The following CYTH3 variants were observed in gnomAD, a reference collection of about 807,000 sequenced individuals.
CYTH3 encodes cytohesin 3.
In CYTH3, 23 loss-of-function variants were observed where a neutral mutation model predicts 55.1. The observed-to-expected ratio is 0.42, with a 90% confidence interval of 0.30 to 0.59. The LOEUF is 0.59. Among genes scored for constraint, CYTH3 ranks in the 20% least tolerant of loss-of-function variants. The pLI, the probability that CYTH3 is intolerant of heterozygous loss-of-function variation, is 0.20. For missense variants in CYTH3, 413 were observed against 524.8 expected, an observed-to-expected ratio of 0.79 and a Z score of 2.08; for synonymous variants, 249 against 194.9, an observed-to-expected ratio of 1.28 and a Z score of -2.31.
intron 1 of CYTH3, among the ~76,000 whole-genome samples, chr7:6,247,402 T>C (rs1313887751): frequency 6.6e-6 from 1 of 151,986 alleles, no homozygotes; most frequent in East Asian, 1.9e-4. Flanking sequence ...ATGAGCTCTT[T>C]GAATATACAG....
chr7:6,194,269 C>T (rs1463441327), intron 1 of CYTH3, among the ~76,000 whole-genome samples: 2 of 152,148 alleles, frequency 1.3e-5, no homozygotes, highest in African/African-American at 4.8e-5. Flanking sequence ...CTCTTTAATA[C>T]GTGTACAACT....
chr7:6,186,367 C>A (rs1224259066), intron 4 of CYTH3, among the ~76,000 whole-genome samples: 1 of 152,002 alleles, frequency 6.6e-6, no homozygotes, highest in African/African-American at 2.4e-5. Context: ...AGACTCAGGT[C>A]TACCCTTCTT....
chr7:6,237,466 T>C lies in CYTH3; in HGVS notation c.34+35008A>G, dbSNP rs377078019. Among the ~76,000 whole-genome samples the C allele has an allele frequency of 5.3e-5, 8 of 152,250 alleles. No homozygotes were observed. The South Asian group carries it at 1.7e-3, about 32-fold the overall frequency. On this transcript the variant is annotated intron_variant, in intron 1 of 12. Transcript: ENST00000350796. The stretch of plus-strand genomic sequence containing the variant: ...GGCTCACACCTGTAATCCCAGCACT[T>C]TGGGAGGCCGAGGCGGGCGGATCTC...
chr7:6,215,484 G>A (rs1190957353), intron 1 of CYTH3, among the ~76,000 whole-genome samples: 1 of 151,912 alleles, frequency 6.6e-6, no homozygotes, highest in African/African-American at 2.4e-5. Context: ...CAGCTAGTCG[G>A]GAGGCTGAGG....
In CYTH3 at chr7:6,170,629, A is replaced by G. The variant is rs1281820334; in HGVS notation, c.729T>C (p.Ile243=). Residue 243 remains isoleucine (I), a synonymous_variant, in exon 9 of 13, where the codon ATT becomes ATC. Coordinates refer to ENST00000350796, the MANE Select transcript of CYTH3 (RefSeq NM_004227.4). This position sits in a 1 kb window ranked among gnomAD's most constrained non-coding sequence, Gnocchi z 7.8. ...EELLRNLYES[I]KNEPFKIPED... is the part of the protein sequence containing the mutation. ...CCGGGATCTTAAATGGCTCGTTCTTAATGCTCTCATACAAATTCTGCAAGG... is the reference window on the plus strand; with the variant it reads ...CCGGGATCTTAAATGGCTCGTTCTTGATGCTCTCATACAAATTCTGCAAGG... The G allele has an allele frequency of 5.0e-6, 8 of 1,613,798 alleles. No individual in the cohort carries two copies. The highest frequency in any genetic ancestry group is 1.6e-4 in the Middle Eastern group (1 of 6,084).
At chr7:6,197,829 AG>A (rs1783969760) in intron 1 of CYTH3, among the ~76,000 whole-genome samples, 1 of 152,218 alleles carries the variant, frequency 6.6e-6, no homozygotes, top group Non-Finnish European at 1.5e-5. Flanking sequence ...TAATGGCTCA[AG>A]CCTGTAATCC....
At chr7:6,213,176 T>G (rs566096319) in intron 1 of CYTH3, among the ~76,000 whole-genome samples, 74 of 152,360 alleles carry the variant, frequency 4.9e-4, no homozygotes, top group African/African-American at 1.6e-3. Flanking sequence ...TAGTGGGAAC[T>G]CAGAGATATC....
chr7:6,224,978 T>C (rs1779204097), intron 1 of CYTH3, among the ~76,000 whole-genome samples: 1 of 152,208 alleles, frequency 6.6e-6, no homozygotes, highest in African/African-American at 2.4e-5. Flanking sequence ...CTATTTATGT[T>C]AAATATCAGA....
At position 6,243,019 on chromosome 7, in the gene CYTH3, G is replaced by A. The variant is rs76547429; in HGVS notation, c.34+29455C>T. 4.6e-3 allele frequency among the ~76,000 whole-genome samples: 697 copies of A among 152,276 alleles called. 12 individuals carry two copies. Among genetic ancestry groups the A allele is most frequent in the East Asian group, 0.025 (130 of 5,184 alleles). On this transcript the variant is annotated intron_variant, in intron 1 of 12. Transcript: ENST00000350796. ...GGGACATGCCCCTTCAGTTCTCTAG[G>A]AGGTAAAACTTGTGCCTCCCAAGGT...
rs567441861 is a variant in CYTH3 at position 6,252,792 on chromosome 7, T to C, written c.34+19682A>G. Among the ~76,000 whole-genome samples, 9 of 152,368 alleles carry C rather than the reference T, an allele frequency of 5.9e-5. No homozygotes were observed. The South Asian group carries it at 1.9e-3, about 32-fold the overall frequency. On this transcript the variant is annotated intron_variant, in intron 1 of 12. Transcript: ENST00000350796. Reference sequence around the variant, plus strand: ...CAGCAAAAGTATCTCTTGAAAATTATGTAAATATAGTTTGTCTTACTAAAT... The same window carrying C: ...CAGCAAAAGTATCTCTTGAAAATTACGTAAATATAGTTTGTCTTACTAAAT...
At chr7:6,213,024 G>A (rs1438521975) in intron 1 of CYTH3, among the ~76,000 whole-genome samples, 1 of 152,196 alleles carries the variant, frequency 6.6e-6, no homozygotes, top group East Asian at 1.9e-4. Context: ...GAAGTGCCAT[G>A]TATTAATACT....
At chr7:6,229,878 G>A (rs183923872) in intron 1 of CYTH3, among the ~76,000 whole-genome samples, 88 of 151,480 alleles carry the variant, frequency 5.8e-4, no homozygotes, top group African/African-American at 2.1e-3. Context: ...GCTCATGCCC[G>A]TAATCCCAAC....
Position 6,164,948 on chromosome 7 carries a change from T to C in CYTH3, c.1196A>G (p.Lys399Arg). 1 of 1,614,224 alleles carries C rather than the reference T, an allele frequency of 6.2e-7. No individual in the cohort carries two copies. The highest frequency in any genetic ancestry group is 8.5e-7 in the Non-Finnish European group (1 of 1,180,040). Residue 399 changes from lysine (K) to arginine (R), a missense_variant, in exon 13 of 13, where the codon AAA becomes AGA. Physicochemically the swap from Lys to Arg is conservative, Grantham distance 26. This residue lies in a region of CYTH3 where 98 missense variants were observed against 115.2 expected (regional missense o/e 0.85). Transcript: ENST00000350796. ...TGGGTCTTTTAGCCAGGAAAGCTAT[T>C]TTTTATTGGCAATCCTTCGTTTCCT... ...ATRKRRIANKK is the reference protein window; with the variant it reads ...ATRKRRIANKR
chr7:6,186,956 C>A (rs912565062), intron 4 of CYTH3, 94 bp downstream of exon 4: 4 of 1,278,276 alleles, frequency 3.1e-6, no homozygotes, highest in Non-Finnish European at 4.5e-6. Flanking sequence ...GGTGACAGGG[C>A]GGACCACCTC....
chr7:6,263,779 CAG>C (rs1056108736), intron 1 of CYTH3, among the ~76,000 whole-genome samples: 2 of 148,030 alleles, frequency 1.4e-5, no homozygotes, highest in African/African-American at 5.0e-5. Context: ...GCCTGGGAAA[CAG>C]AGTGAGGACA....
intron 1 of CYTH3, among the ~76,000 whole-genome samples, chr7:6,271,897 A>G (rs1021448908): frequency 1.3e-5 from 2 of 152,052 alleles, no homozygotes; most frequent in Admixed American, 1.3e-4. Flanking sequence ...ACTGAACTCC[A>G]GCTGGCCCCC....
intron 1 of CYTH3, among the ~76,000 whole-genome samples, chr7:6,256,204 A>C (rs1780099704): frequency 6.6e-6 from 1 of 152,230 alleles, no homozygotes; most frequent in Non-Finnish European, 1.5e-5. Flanking sequence ...GCTGAAACCA[A>C]GATAAAACCG....
chr7:6,184,512 T>A (rs1783588622), intron 4 of CYTH3, among the ~76,000 whole-genome samples: 1 of 152,198 alleles, frequency 6.6e-6, no homozygotes, highest in Non-Finnish European at 1.5e-5. Flanking sequence ...AGAGAGGGCT[T>A]CATAGGCATG....
intron 1 of CYTH3, among the ~76,000 whole-genome samples, chr7:6,219,885 G>A (rs1295710131): frequency 4.6e-5 from 7 of 152,026 alleles, no homozygotes; most frequent in Non-Finnish European, 1.5e-5. Context: ...ACAAATTGGA[G>A]GAATTATTCT....
Sources: gnomAD v4.1 joint callset for allele counts (sites outside exome capture counted in the v4.1 genomes callset) on GRCh38, gnomAD v4.1.1 for gene constraint, gnomAD v4.1.1 regional missense constraint, Gnocchi (gnomAD v3.1) non-coding constraint, MANE v1.5 for transcripts, NCBI Gene and HGNC (gene_info 2026-07-23, HGNC 2026-07-21) for gene names.